The following TRAF7 variants were observed in gnomAD, a reference collection of about 807,000 sequenced individuals.
TRAF7 encodes the protein TNF receptor associated factor 7.
A neutral mutation model predicts 89.3 loss-of-function variants in TRAF7; 45 were observed. That is an observed-to-expected ratio of 0.50 (90% confidence interval 0.40 to 0.65). The LOEUF (loss-of-function observed/expected upper bound fraction) is 0.65, where lower values mean the gene tolerates loss of function less well. Ranked by LOEUF, TRAF7 falls within the 30% of genes least tolerant of loss-of-function variation. The probability of loss-of-function intolerance (pLI) is 0.00; values close to 1 mark genes in which losing one functional copy is unlikely to be tolerated. For missense variants in TRAF7, 677 were observed against 918.1 expected, an observed-to-expected ratio of 0.74 and a Z score of 3.39; for synonymous variants, 406 against 369.2, an observed-to-expected ratio of 1.10 and a Z score of -1.14.
At chr16:2,166,129 G>A (rs1267374148) in intron 3 of TRAF7, among the ~76,000 whole-genome samples, 193 bp downstream of exon 3, 2 of 152,222 alleles carry the variant, frequency 1.3e-5, no homozygotes, top group Non-Finnish European at 2.9e-5. Flanking sequence ...CAGGAGTCGG[G>A]TGTCCTGCTC....
chr16:2,168,409 C>T lies in TRAF7; in HGVS notation c.231+241C>T. On this transcript the variant is annotated intron_variant, in intron 4 of 20. Transcript: ENST00000326181. This position sits in a 1 kb window ranked among gnomAD's most constrained non-coding sequence, Gnocchi z 4.1. ...GGCAGCTGGGTCAGAGGGCCTGGCA[C>T]CTGCAGGCCAGGATGAGGCATATTT... is the stretch of plus-strand genomic sequence containing the variant. 2.0e-6 allele frequency: 1 copy of T among 496,868 alleles called. No homozygotes were observed. Among genetic ancestry groups the T allele is most frequent in the Non-Finnish European group, 3.6e-6 (1 of 275,468 alleles). 30.8% of individuals were successfully genotyped at this position (496,868 alleles called of 1,614,324 possible). A position where few individuals can be genotyped will look rare whatever the true frequency, so the allele number is the denominator to read the frequency against.
rs748266485 is a variant in TRAF7 at position 2,170,652 on chromosome 16, C to T, written c.270C>T (p.Ile90=). 6.2e-7 allele frequency: 1 copy of T among 1,610,656 alleles called. No homozygotes were observed. The highest frequency in any genetic ancestry group is 1.1e-5 in the South Asian group (1 of 90,312). ...CTCCCCGCCGCTCCGACTCCGCCAT[C>T]TCTGTCCGCTCCCTGCACTCAGAGT... The part of the protein sequence containing the change: ...ISTPRRSDSA[I]SVRSLHSESS... The change falls in exon 5 of 21, where the codon ATC becomes ATT. Residue 90 remains isoleucine, a synonymous_variant. Coordinates refer to ENST00000326181, the MANE Select transcript of TRAF7 (RefSeq NM_032271.3).
chr16:2,162,091 G>A lies in TRAF7; in HGVS notation c.-38-1792G>A, dbSNP rs564921247. The stretch of plus-strand genomic sequence containing the variant: ...GCCCCATCTCCCGAGACCATGGGAC[G>A]CAAAGATCAGGTGGGGCCAGGTAGC... On this transcript the variant is annotated intron_variant, in intron 1 of 20. Coordinates refer to ENST00000326181, the MANE Select transcript of TRAF7 (RefSeq NM_032271.3). This position sits in a 1 kb window ranked among gnomAD's most constrained non-coding sequence, Gnocchi z 5.0. Among the ~76,000 whole-genome samples, 30 of 152,236 alleles carry A rather than the reference G, an allele frequency of 2.0e-4. No homozygotes were observed. Among genetic ancestry groups the A allele is most frequent in the Non-Finnish European group, 3.8e-4 (26 of 68,038 alleles).
At position 2,176,711 on chromosome 16, in the gene TRAF7, C is replaced by T. The variant is rs1300299276; in HGVS notation, c.*137C>T. ...GACAGGCTCTGGCAGCCGGGCAGTGCCCTCCCCGTCCCATGCTCGGCGAGC... is the reference window on the plus strand; with the variant it reads ...GACAGGCTCTGGCAGCCGGGCAGTGTCCTCCCCGTCCCATGCTCGGCGAGC... On this transcript the variant is annotated 3_prime_UTR_variant, in exon 21 of 21. Transcript: ENST00000326181. 1.6e-6 allele frequency: 2 copies of T among 1,259,568 alleles called. No individual in the cohort carries two copies. The highest frequency in any genetic ancestry group is 1.5e-5 in the African/African-American group (1 of 67,694). 78.0% of individuals were successfully genotyped at this position (1,259,568 alleles called of 1,614,324 possible).
At chr16:2,173,757 C>T (rs776703048) in intron 11 of TRAF7, 31 bp from the exon 12 acceptor site, 14 of 1,608,906 alleles carry the variant, frequency 8.7e-6, no homozygotes, top group Non-Finnish European at 9.3e-6. Flanking sequence ...GCCCTGCCCA[C>T]CTGCCCTCTG....
chr16:2,175,050 A>T, intron 14 of TRAF7, 61 bp from the exon 15 acceptor site: 1 of 1,608,562 alleles, frequency 6.2e-7, no homozygotes, highest in Middle Eastern at 1.7e-4. Flanking sequence ...GGGCCCTGCC[A>T]GGGCGGTGTC....
In TRAF7 at chr16:2,177,862, A is replaced by G. The variant is rs1596682825; in HGVS notation, c.*1288A>G. On this transcript the variant is annotated 3_prime_UTR_variant, in exon 21 of 21. Transcript: ENST00000326181. ...AGCACGGAGGAGCCCCCGGCAGAGC[A>G]CCCGCCCCCGGGCCCCAGCCTTCCA... The G allele has an allele frequency of 3.5e-6, 1 of 289,008 alleles. No homozygotes were observed. Among genetic ancestry groups the G allele is most frequent in the Non-Finnish European group, 6.6e-6 (1 of 150,856 alleles). 17.9% of individuals were successfully genotyped at this position (289,008 alleles called of 1,614,324 possible).
Position 2,168,405 on chromosome 16 carries a change from G to A in TRAF7, c.231+237G>A, listed in dbSNP as rs1460781622. On this transcript the variant is annotated intron_variant, in intron 4 of 20. Transcript: ENST00000326181. This position sits in a 1 kb window ranked among gnomAD's most constrained non-coding sequence, Gnocchi z 4.1. ...TGAGGGCAGCTGGGTCAGAGGGCCT[G>A]GCACCTGCAGGCCAGGATGAGGCAT... The A allele has an allele frequency of 8.0e-6, 4 of 502,694 alleles. No individual in the cohort carries two copies. The highest frequency in any genetic ancestry group is 7.9e-5 in the African/African-American group (4 of 50,912). The allele number at this position is 502,694 out of a possible 1,614,324, so 31.1% of individuals were successfully genotyped here. A position where few individuals can be genotyped will look rare whatever the true frequency, so the allele number is the denominator to read the frequency against.
chr16:2,170,792 A>C lies in TRAF7; in HGVS notation c.348+62A>C, dbSNP rs1207526143. 2.0e-6 allele frequency: 3 copies of C among 1,477,338 alleles called. No individual in the cohort carries two copies. In the African/African-American group the frequency reaches 4.2e-5, roughly 21 times the overall value. 91.5% of individuals were successfully genotyped at this position (1,477,338 alleles called of 1,614,324 possible). On this transcript the variant is annotated intron_variant, in intron 5 of 20. Transcript: ENST00000326181. ...GGCTGTCACCGCAGCCGTGGCACGG[A>C]GGCACCTTCCCCTCCGCCATGCCCG...
Position 2,177,494 on chromosome 16 carries a change from C to T in TRAF7, c.*920C>T, listed in dbSNP as rs754379753. On this transcript the variant is annotated 3_prime_UTR_variant, in exon 21 of 21. Transcript: ENST00000326181. ...AGCAAACACGATAGAGGAGACCAGTCAGTACTTCTTGGAGGGGGCAGGAGG... is the reference window on the plus strand; with the variant it reads ...AGCAAACACGATAGAGGAGACCAGTTAGTACTTCTTGGAGGGGGCAGGAGG... 12 of 233,426 alleles carry T rather than the reference C, an allele frequency of 5.1e-5. No homozygotes were observed. The highest frequency in any genetic ancestry group is 1.0e-4 in the Non-Finnish European group (12 of 118,224). The allele number at this position is 233,426 out of a possible 1,614,324, so 14.5% of individuals were successfully genotyped here. A position where few individuals can be genotyped will look rare whatever the true frequency, so the allele number is the denominator to read the frequency against.
intron 2 of TRAF7, among the ~76,000 whole-genome samples, chr16:2,164,503 A>G (rs35815): frequency 0.15 from 3,424 of 22,600 alleles, no homozygotes; most frequent in Admixed American, 0.19. Flanking sequence ...TGTGAGTGCT[A>G]CGTGGCCTGG....
chr16:2,173,877 C>T, intron 12 of TRAF7, 41 bp downstream of exon 12: 1 of 1,610,184 alleles, frequency 6.2e-7, no homozygotes, highest in African/African-American at 1.3e-5. Flanking sequence ...ACCCTCCCCC[C>T]CGGGCCCCAA....
intron 3 of TRAF7, among the ~76,000 whole-genome samples, chr16:2,167,211 T>A (rs1567249247): frequency 1.3e-5 from 2 of 152,248 alleles, no homozygotes; most frequent in South Asian, 2.1e-4. Context: ...CTGCTATGCC[T>A]GGCCCCTCGG....
intron 1 of TRAF7, 96 bp downstream of exon 1, chr16:2,155,954 C>T (rs2093031535): frequency 1.1e-5 from 1 of 90,634 alleles, no homozygotes; most frequent in Non-Finnish European, 2.2e-5. Context: ...CGAGGCGAGG[C>T]GAGGCGAGGG....
At chr16:2,173,859 T>TTCCCCCCCCCCCCCCC in intron 12 of TRAF7, 23 bp downstream of exon 12, 2 of 1,246,252 alleles carry the variant, frequency 1.6e-6, no homozygotes, top group Non-Finnish European at 2.2e-6. Flanking sequence ...CCGCCGTGGC[T>TTCCCCCCCCCCCCCCC]CCCGCCCACC....
At position 2,168,029 on chromosome 16, in the gene TRAF7, A is replaced by C. The variant is rs1379023866; in HGVS notation, c.140-48A>C. The C allele has an allele frequency of 6.4e-7, 1 of 1,567,346 alleles. No individual in the cohort carries two copies. Among genetic ancestry groups the C allele is most frequent in the Non-Finnish European group, 8.7e-7 (1 of 1,146,474 alleles). On this transcript the variant is annotated intron_variant, in intron 3 of 20. Coordinates refer to ENST00000326181, the MANE Select transcript of TRAF7 (RefSeq NM_032271.3). The surrounding 1 kb of genome is among the most constrained non-coding windows in gnomAD (Gnocchi z 4.1). ...CCAGCATGGGCCCCACCTCCCCCAC[A>C]TCTGCTGAGGGAGCCCCCACTGAGA... is the stretch of plus-strand genomic sequence containing the variant.
At chr16:2,174,832 C>A (rs2093128845) in intron 14 of TRAF7, among the ~76,000 whole-genome samples, 1 of 152,340 alleles carries the variant, frequency 6.6e-6, no homozygotes, top group South Asian at 2.1e-4. Flanking sequence ...TGACTGCCAG[C>A]AGCCGGCCCT....
chr16:2,156,224 C>A (rs1282045426), intron 1 of TRAF7, among the ~76,000 whole-genome samples: 1 of 152,178 alleles, frequency 6.6e-6, no homozygotes, highest in Non-Finnish European at 1.5e-5. Flanking sequence ...GTTCCCCAAC[C>A]TCCGCACCAT....
At chr16:2,174,983 A>C in intron 14 of TRAF7, 128 bp from the exon 15 acceptor site, 1 of 1,145,796 alleles carries the variant, frequency 8.7e-7, no homozygotes, top group South Asian at 1.3e-5. Context: ...TTAAGGACAC[A>C]GCAGTGGCCT....
Sources: allele counts gnomAD v4.1 joint callset (sites outside exome capture counted in the v4.1 genomes callset), GRCh38; gene constraint gnomAD v4.1.1; non-coding constraint Gnocchi (gnomAD v3.1); transcripts MANE v1.5; gene names NCBI Gene and HGNC (gene_info 2026-07-23, HGNC 2026-07-21).